The following RBFOX1 variants were observed in gnomAD, a reference collection of about 807,000 sequenced individuals.
RBFOX1 encodes the protein RNA binding fox-1 homolog 1, also known as RNA binding protein fox-1 homolog 1.
Under a neutral mutation model 57.7 loss-of-function variants are expected in RBFOX1, and 8 were observed. The ratio of observed to expected loss-of-function variants is 0.14; its 90% CI spans 0.08 to 0.25. RBFOX1 has a LOEUF of 0.25. Ranked by LOEUF, RBFOX1 falls within the 10% of genes least tolerant of loss-of-function variation. The probability of loss-of-function intolerance (pLI) is 1.00; values close to 1 mark genes in which losing one functional copy is unlikely to be tolerated. For missense variants in RBFOX1, 611 were observed against 548.5 expected (o/e 1.11, Z -1.14); for synonymous variants, 326 against 222.4 (o/e 1.47, Z -4.15).
At chr16:6,625,838 G>T (rs1334848423) in intron 2 of RBFOX1, among the ~76,000 whole-genome samples, 1 of 152,146 alleles carries the variant, frequency 6.6e-6, no homozygotes. Flanking sequence ...TTCTACATTT[G>T]CAGCATTTAA....
chr16:6,946,477 C>G (rs901237197), intron 3 of RBFOX1, among the ~76,000 whole-genome samples: 1 of 152,176 alleles, frequency 6.6e-6, no homozygotes, highest in African/African-American at 2.4e-5. Flanking sequence ...AATGGGCTTT[C>G]TGCATAGCCT....
At chr16:7,611,692 C>A (rs987572957) in intron 10 of RBFOX1, among the ~76,000 whole-genome samples, 4 of 152,002 alleles carry the variant, frequency 2.6e-5, no homozygotes, top group Non-Finnish European at 5.9e-5. Context: ...AGAGCCATTG[C>A]ACTTAATGAG....
At chr16:6,557,582 G>A (rs2097123189) in intron 2 of RBFOX1, among the ~76,000 whole-genome samples, 1 of 152,144 alleles carries the variant, frequency 6.6e-6, no homozygotes, top group South Asian at 2.1e-4. Context: ...TATTTCTGTG[G>A]GTGTTGCCGA....
At chr16:5,660,811 G>A (rs1056867095) in intron 3 of RBFOX1, among the ~76,000 whole-genome samples, 23 of 152,298 alleles carry the variant, frequency 1.5e-4, no homozygotes, top group African/African-American at 5.5e-4. Context: ...GAATGAGGGC[G>A]AAGAGTAGAC....
At chr16:6,967,653 G>T (rs749285818) in intron 3 of RBFOX1, among the ~76,000 whole-genome samples, 1 of 152,054 alleles carries the variant, frequency 6.6e-6, no homozygotes, top group Non-Finnish European at 1.5e-5. Flanking sequence ...TGTGTGTTCA[G>T]TAATTATATT....
chr16:6,169,714 A>C (rs1271142915), intron 1 of RBFOX1, among the ~76,000 whole-genome samples: 1 of 152,214 alleles, frequency 6.6e-6, no homozygotes, highest in Non-Finnish European at 1.5e-5. Flanking sequence ...TGCAGCCACT[A>C]GGATTGGCCA....
At chr16:6,598,608 A>C (rs937572047) in intron 2 of RBFOX1, among the ~76,000 whole-genome samples, 1 of 152,086 alleles carries the variant, frequency 6.6e-6, no homozygotes, top group Non-Finnish European at 1.5e-5. Flanking sequence ...TGATCTATAC[A>C]TATGATAAAC....
chr16:7,624,891 A>G (rs1008259532), intron 10 of RBFOX1, among the ~76,000 whole-genome samples: 5 of 152,184 alleles, frequency 3.3e-5, no homozygotes, highest in African/African-American at 1.2e-4. Flanking sequence ...TGGATTAACA[A>G]TGTGAACACA....
At chr16:6,652,770 T>C (rs2098607004) in intron 2 of RBFOX1, among the ~76,000 whole-genome samples, 1 of 151,134 alleles carries the variant, frequency 6.6e-6, no homozygotes, top group South Asian at 2.1e-4. Flanking sequence ...GGAGGGGAAG[T>C]GAAGAGTTAT....
chr16:6,645,954 G>A (rs951036638), intron 2 of RBFOX1, among the ~76,000 whole-genome samples: 1 of 152,146 alleles, frequency 6.6e-6, no homozygotes, highest in Non-Finnish European at 1.5e-5. Context: ...GTGTGATTCT[G>A]CTATCTGTGT....
chr16:6,548,188 A>G (rs560553746), intron 2 of RBFOX1, among the ~76,000 whole-genome samples: 1 of 152,214 alleles, frequency 6.6e-6, no homozygotes, highest in African/African-American at 2.4e-5. Flanking sequence ...AGTCTTGGGT[A>G]TTGCCATCCT....
intron 3 of RBFOX1, among the ~76,000 whole-genome samples, chr16:6,657,689 G>T (rs1383004956): frequency 1.3e-5 from 2 of 152,186 alleles, no homozygotes; most frequent in East Asian, 3.9e-4. Flanking sequence ...AAGTGGAATT[G>T]AAGTGACAAG....
intron 3 of RBFOX1, among the ~76,000 whole-genome samples, chr16:6,666,371 C>T (rs62017893): frequency 6.6e-6 from 1 of 151,916 alleles, no homozygotes; most frequent in East Asian, 1.9e-4. Context: ...CTTGTCTCTA[C>T]CACAAGTACA....
At chr16:6,880,288 G>A (rs2062670937) in intron 3 of RBFOX1, among the ~76,000 whole-genome samples, 1 of 152,166 alleles carries the variant, frequency 6.6e-6, no homozygotes, top group Non-Finnish European at 1.5e-5. Context: ...TGAGACATAA[G>A]GTTGGCTGGG....
At chr16:6,819,718 A>T (rs976989083) in intron 3 of RBFOX1, among the ~76,000 whole-genome samples, 1 of 145,314 alleles carries the variant, frequency 6.9e-6, no homozygotes, top group Non-Finnish European at 1.5e-5. Context: ...AAAAAAAAAA[A>T]AAAAAAAAAA....
chr16:7,415,213 C>T (rs2098466765), intron 4 of RBFOX1, among the ~76,000 whole-genome samples: 2 of 152,194 alleles, frequency 1.3e-5, no homozygotes, highest in African/African-American at 4.8e-5. Flanking sequence ...GTCCCAGAGG[C>T]AGGAACTGAG....
intron 1 of RBFOX1, among the ~76,000 whole-genome samples, chr16:5,396,503 G>C (rs1331863844): frequency 6.6e-6 from 1 of 152,138 alleles, no homozygotes; most frequent in Admixed American, 6.5e-5. Context: ...TTAGCTGGGT[G>C]TGGCAGCACA....
At chr16:5,321,302 C>T (rs1335968179) in intron 1 of RBFOX1, among the ~76,000 whole-genome samples, 1 of 150,314 alleles carries the variant, frequency 6.7e-6, no homozygotes, top group Non-Finnish European at 1.5e-5. Flanking sequence ...TGTACTAAAA[C>T]ATGAGATATA....
intron 4 of RBFOX1, among the ~76,000 whole-genome samples, chr16:7,144,861 C>T (rs1019314311): frequency 4.6e-5 from 7 of 152,122 alleles, no homozygotes; most frequent in African/African-American, 1.7e-4. Flanking sequence ...TGCCATTTAG[C>T]AGTATTGGGT....
Sources: allele counts gnomAD v4.1 joint callset (sites outside exome capture counted in the v4.1 genomes callset), GRCh38; gene constraint gnomAD v4.1.1; transcripts MANE v1.5; gene names NCBI Gene and HGNC (gene_info 2026-07-23, HGNC 2026-07-21).